ZBTB46: variants seen among roughly 807,000 people sequenced by gnomAD.
ZBTB46 encodes zinc finger and BTB domain containing 46.
ZBTB46 carries 8 observed loss-of-function variants against 44.1 expected under a neutral mutation model. The observed-to-expected ratio is 0.18, with a 90% CI of 0.11 to 0.33. ZBTB46 has a LOEUF of 0.33. Among genes scored for constraint, ZBTB46 ranks in the 10% least tolerant of loss-of-function variants. The pLI is 1.00. For synonymous variants in ZBTB46, 409 were observed against 382.3 expected (o/e 1.07, Z -0.81); for missense variants, 651 against 847.7 (o/e 0.77, Z 2.88).
intron 1 of ZBTB46, among the ~76,000 whole-genome samples, chr20:63,827,468 C>T (rs922601026): frequency 2.0e-5 from 3 of 151,630 alleles, no homozygotes; most frequent in African/African-American, 7.3e-5. Context: ...ATTAGCCGGG[C>T]GCGGTGGCGG....
chr20:63,813,053 G>A (rs750880452), intron 1 of ZBTB46, among the ~76,000 whole-genome samples: 49 of 150,956 alleles, frequency 3.2e-4, no homozygotes, highest in Non-Finnish European at 6.3e-4. Context: ...AGCCGAGATC[G>A]CACCACTATA....
intron 1 of ZBTB46, among the ~76,000 whole-genome samples, chr20:63,801,836 C>T (rs2092648323): frequency 6.6e-6 from 1 of 152,110 alleles, no homozygotes; most frequent in South Asian, 2.1e-4. Flanking sequence ...TGGGGACGGC[C>T]TGTGTCTCCA....
At chr20:63,747,687 C>T (rs899188880) in intron 4 of ZBTB46, among the ~76,000 whole-genome samples, 3 of 152,216 alleles carry the variant, frequency 2.0e-5, no homozygotes, top group East Asian at 1.9e-4. Flanking sequence ...CTATCAGAGC[C>T]ACACAGCAGA....
At chr20:63,749,174 C>T (rs932827) in intron 4 of ZBTB46, among the ~76,000 whole-genome samples, 32,533 of 152,202 alleles carry the variant, frequency 0.21, 3,703 homozygotes, top group Non-Finnish European at 0.24. Flanking sequence ...CCGGGATGGG[C>T]GCTGTCCAGG....
At chr20:63,798,357 G>A (rs144481376) in intron 1 of ZBTB46, among the ~76,000 whole-genome samples, 62 of 151,890 alleles carry the variant, frequency 4.1e-4, no homozygotes, top group African/African-American at 1.4e-3. Flanking sequence ...TTGGAAACCC[G>A]GTCTTTACAA....
intron 2 of ZBTB46, among the ~76,000 whole-genome samples, chr20:63,783,461 A>C (rs1449266308): frequency 1.3e-5 from 2 of 152,254 alleles, no homozygotes; most frequent in African/African-American, 4.8e-5. Context: ...TACTCTGTCC[A>C]GTGCCGAGTG....
At chr20:63,815,212 A>T in intron 1 of ZBTB46, 1 of 220,762 alleles carries the variant, frequency 4.5e-6, no homozygotes, top group Non-Finnish European at 9.2e-6. Context: ...TGCAGTGGGC[A>T]CGAGTGCAAG....
intron 1 of ZBTB46, among the ~76,000 whole-genome samples, chr20:63,792,984 G>T (rs2092573082): frequency 6.6e-6 from 1 of 152,206 alleles, no homozygotes; most frequent in Non-Finnish European, 1.5e-5. Flanking sequence ...GGTGTTGCCT[G>T]CCGGGAGACG....
chr20:63,757,623 A>C (rs944714286), intron 3 of ZBTB46, among the ~76,000 whole-genome samples: 35 of 152,130 alleles, frequency 2.3e-4, no homozygotes, highest in Non-Finnish European at 4.6e-4. Context: ...TCAGTCCTCC[A>C]GCTTTCTCCT....
chr20:63,753,009 G>T, intron 3 of ZBTB46, 148 bp from the exon 4 acceptor site: 2 of 806,112 alleles, frequency 2.5e-6, no homozygotes, highest in Non-Finnish European at 3.7e-6. Flanking sequence ...ACTGCGACAG[G>T]CCAGGCTCCC....
chr20:63,768,274 T>C (rs1270001586), intron 3 of ZBTB46, among the ~76,000 whole-genome samples: 1 of 152,218 alleles, frequency 6.6e-6, no homozygotes, highest in Non-Finnish European at 1.5e-5. Context: ...AAATGTGTGG[T>C]TAAGGCTGGG....
Position 63,746,828 on chromosome 20 carries a change from G to A in ZBTB46, c.*102C>T, listed in dbSNP as rs1427958312. ...TTCAGGGGGAAGCAGAGGAGGGGCC[G>A]CGAGAGGGGTGAGCGTGGCCCTGGC... On this transcript the variant is annotated 3_prime_UTR_variant, in exon 5 of 5. Coordinates refer to ENST00000245663, the MANE Select transcript of ZBTB46 (RefSeq NM_001369741.1). 2.3e-5 allele frequency: 32 copies of A among 1,405,814 alleles called. No homozygotes were observed. The East Asian group carries it at 6.6e-4, about 29-fold the overall frequency. 87.1% of individuals were successfully genotyped at this position (1,405,814 alleles called of 1,614,324 possible). A position where few individuals can be genotyped will look rare whatever the true frequency, so the allele number is the denominator to read the frequency against.
intron 4 of ZBTB46, among the ~76,000 whole-genome samples, chr20:63,750,583 G>A (rs1271234822): frequency 6.6e-6 from 1 of 151,978 alleles, no homozygotes; most frequent in African/African-American, 2.4e-5. Context: ...ATGACCCCCT[G>A]AAGCCCAATC....
intron 1 of ZBTB46, among the ~76,000 whole-genome samples, chr20:63,825,932 G>A (rs904386981): frequency 3.3e-5 from 5 of 152,218 alleles, no homozygotes; most frequent in South Asian, 2.1e-4. Context: ...CTAAGAAGAC[G>A]ACTTGCCCAG....
Position 63,790,254 on chromosome 20 carries a change from G to A in ZBTB46, c.504C>T (p.Ser168=). 1 of 1,612,006 alleles carries A rather than the reference G, an allele frequency of 6.2e-7. No individual in the cohort carries two copies. Among genetic ancestry groups the A allele is most frequent in the Non-Finnish European group, 8.5e-7 (1 of 1,179,424 alleles). ...GACTCGTTCGCCGTGCCAGCCACGGGGAGATGCTCCTCCCAGCCATCACGG... is the reference window on the plus strand; with the variant it reads ...GACTCGTTCGCCGTGCCAGCCACGGAGAGATGCTCCTCCCAGCCATCACGG... ...ISAVMAGRSI[S]PWLARRTSPA... Residue 168 remains serine, a synonymous_variant, in exon 2 of 5, where the codon TCC becomes TCT. Transcript: ENST00000245663.
At chr20:63,791,954 G>C (rs964480657) in intron 1 of ZBTB46, among the ~76,000 whole-genome samples, 1 of 152,134 alleles carries the variant, frequency 6.6e-6, no homozygotes, top group Non-Finnish European at 1.5e-5. Context: ...TCAGGATGTC[G>C]GCCGAGCTGG....
intron 1 of ZBTB46, among the ~76,000 whole-genome samples, chr20:63,810,906 A>G (rs2146031010): frequency 6.6e-6 from 1 of 152,300 alleles, no homozygotes; most frequent in South Asian, 2.1e-4. Context: ...TCCTACGAGG[A>G]GCTCCAGCAG....
At chr20:63,770,073 G>A (rs546398842) in intron 3 of ZBTB46, among the ~76,000 whole-genome samples, 1 of 152,220 alleles carries the variant, frequency 6.6e-6, no homozygotes, top group African/African-American at 2.4e-5. Flanking sequence ...AAAAGAGTGA[G>A]GGGGGTTACA....
At chr20:63,826,039 C>T (rs2092817784) in intron 1 of ZBTB46, among the ~76,000 whole-genome samples, 1 of 152,244 alleles carries the variant, frequency 6.6e-6, no homozygotes, top group Admixed American at 6.5e-5. Flanking sequence ...GCCCAAGGCA[C>T]AGCAGTGCCC....
Sources: gnomAD v4.1 joint callset for allele counts (sites outside exome capture counted in the v4.1 genomes callset) on GRCh38, gnomAD v4.1.1 for gene constraint, MANE v1.5 for transcripts, NCBI Gene and HGNC (gene_info 2026-07-23, HGNC 2026-07-21) for gene names.